Variants in ADCK1 observed in about 807,000 individuals in gnomAD.
ADCK1 encodes aarF domain-containing protein kinase 1.
Under a neutral mutation model 52.3 loss-of-function variants are expected in ADCK1, and 41 were observed. The ratio of observed to expected loss-of-function variants is 0.78; its 90% CI spans 0.61 to 1.02. The LOEUF (loss-of-function observed/expected upper bound fraction) is 1.02. Among genes scored for constraint, ADCK1 ranks in the 50% least tolerant of loss-of-function variants. The probability of loss-of-function intolerance (pLI) is 0.00; values close to 1 mark genes in which losing one functional copy is unlikely to be tolerated. For synonymous variants in ADCK1, 250 were observed against 274.6 expected, an observed-to-expected ratio of 0.91 and a Z score of 0.89; for missense variants, 658 against 679.5, an observed-to-expected ratio of 0.97 and a Z score of 0.35.
chr14:77,874,556 T>A (rs561949806), intron 4 of ADCK1, among the ~76,000 whole-genome samples: 2 of 151,954 alleles, frequency 1.3e-5, no homozygotes, highest in Non-Finnish European at 1.5e-5. Context: ...CAGGCTGGGG[T>A]GGGGCAGGTG....
At chr14:77,830,856 A>C (rs1342465325) in intron 3 of ADCK1, among the ~76,000 whole-genome samples, 2 of 152,106 alleles carry the variant, frequency 1.3e-5, no homozygotes, top group Non-Finnish European at 2.9e-5. Flanking sequence ...CTTCTGTGGT[A>C]TCAGATGATT....
At chr14:77,840,301 C>T (rs996129071) in intron 3 of ADCK1, among the ~76,000 whole-genome samples, 2 of 151,462 alleles carry the variant, frequency 1.3e-5, no homozygotes, top group African/African-American at 2.4e-5. Flanking sequence ...AGCAGAGCTG[C>T]GATTCTTCTG....
At chr14:77,810,085 A>G (rs1017357900) in intron 1 of ADCK1, among the ~76,000 whole-genome samples, 5 of 150,998 alleles carry the variant, frequency 3.3e-5, no homozygotes, top group Non-Finnish European at 7.4e-5. Flanking sequence ...TTTACTGGGT[A>G]TGTCAGGCAT....
intron 3 of ADCK1, among the ~76,000 whole-genome samples, chr14:77,842,699 C>T (rs1190246983): frequency 1.3e-5 from 2 of 150,048 alleles, no homozygotes; most frequent in Non-Finnish European, 3.0e-5. Context: ...TACAGGCATG[C>T]ACCACCACGC....
intron 4 of ADCK1, among the ~76,000 whole-genome samples, chr14:77,868,719 T>C: frequency 6.6e-6 from 1 of 152,122 alleles, no homozygotes; most frequent in East Asian, 1.9e-4. Context: ...CCTCAACCCA[T>C]GGTGGCCCCA....
intron 4 of ADCK1, 73 bp from the exon 5 acceptor site, chr14:77,887,018 G>C: frequency 1.4e-6 from 2 of 1,470,276 alleles, no homozygotes; most frequent in East Asian, 2.4e-5. Context: ...CCTGACTCTG[G>C]CCCATCTTCC....
intron 8 of ADCK1, 128 bp downstream of exon 8, chr14:77,924,734 G>A (rs1052010311): frequency 1.5e-6 from 2 of 1,300,318 alleles, no homozygotes; most frequent in Admixed American, 5.1e-5. Flanking sequence ...CTCTCCCTTG[G>A]AGCTGTCATT....
chr14:77,863,786 G>A (rs1201331386), intron 4 of ADCK1, among the ~76,000 whole-genome samples: 1 of 151,912 alleles, frequency 6.6e-6, no homozygotes, highest in Non-Finnish European at 1.5e-5. Context: ...GCAGTGAGCT[G>A]AGATCAGGCT....
In ADCK1 at chr14:77,895,792, A is replaced by AG. The variant is rs931228590; in HGVS notation, c.583-3304dup. 3.3e-5 allele frequency among the ~76,000 whole-genome samples: 5 copies of AG among 152,284 alleles called. No individual in the cohort carries two copies. The South Asian group carries it at 6.2e-4, about 19-fold the overall frequency. On this transcript the variant is annotated intron_variant, in intron 5 of 10. Coordinates refer to ENST00000238561, the MANE Select transcript of ADCK1 (RefSeq NM_020421.4). Reference sequence around the variant, plus strand: ...CCCCCTCCCCACCCACTGAATTTCAAGGGGTTGGTGAACCCCTTGAATTAT... The same window carrying AG: ...CCCCCTCCCCACCCACTGAATTTCAAGGGGGTTGGTGAACCCCTTGAATTAT...
chr14:77,848,066 T>A (rs972375943), intron 3 of ADCK1, among the ~76,000 whole-genome samples: 5 of 152,178 alleles, frequency 3.3e-5, no homozygotes, highest in South Asian at 2.1e-4. Flanking sequence ...CTTCTTCTTT[T>A]AAAAATTTTT....
intron 7 of ADCK1, among the ~76,000 whole-genome samples, chr14:77,909,157 C>T (rs184581040): frequency 0.011 from 1,366 of 121,530 alleles, 30 homozygotes; most frequent in African/African-American, 0.042. Context: ...TTCCCTGAGA[C>T]GGAGTTTTGC....
At chr14:77,803,262 A>G (rs1289489272) in intron 1 of ADCK1, among the ~76,000 whole-genome samples, 1 of 152,052 alleles carries the variant, frequency 6.6e-6, no homozygotes, top group Non-Finnish European at 1.5e-5. Flanking sequence ...AAATGGGAGG[A>G]GGCCATGGTC....
chr14:77,823,616 G>A (rs970139056), intron 3 of ADCK1, among the ~76,000 whole-genome samples: 6 of 149,798 alleles, frequency 4.0e-5, no homozygotes, highest in African/African-American at 1.2e-4. Context: ...TCCATCACCC[G>A]GTCTGGGGTG....
At chr14:77,904,740 G>C (rs996325433) in intron 6 of ADCK1, among the ~76,000 whole-genome samples, 1 of 152,190 alleles carries the variant, frequency 6.6e-6, no homozygotes, top group Non-Finnish European at 1.5e-5. Context: ...GTAGAACCTG[G>C]ACCCAGGGGT....
chr14:77,914,068 C>T (rs1407649715), intron 7 of ADCK1, among the ~76,000 whole-genome samples: 1 of 152,098 alleles, frequency 6.6e-6, no homozygotes, highest in African/African-American at 2.4e-5. Flanking sequence ...TTTTTCAGAA[C>T]CCCCAAATCT....
At position 77,933,772 on chromosome 14, in the gene ADCK1, G is replaced by A. The variant is rs1309025819; in HGVS notation, c.*381G>A. The A allele has an allele frequency of 5.1e-6, 1 of 194,322 alleles. No individual in the cohort carries two copies. The highest frequency in any genetic ancestry group is 1.4e-4 in the South Asian group (1 of 7,064). The allele number at this position is 194,322 out of a possible 1,614,324, so 12.0% of individuals were successfully genotyped here. On this transcript the variant is annotated 3_prime_UTR_variant, in exon 11 of 11. Transcript: ENST00000238561. The stretch of plus-strand genomic sequence containing the variant: ...TGTGATTTTGTTGGAGGTGCACATG[G>A]TCTCTGAATTTGACAGAGAACACCT...
intron 4 of ADCK1, among the ~76,000 whole-genome samples, chr14:77,875,365 T>A (rs1349521138): frequency 6.6e-6 from 1 of 152,066 alleles, no homozygotes; most frequent in African/African-American, 2.4e-5. Context: ...TTTGCATAGT[T>A]GCCTCCTCTT....
chr14:77,919,072 A>G (rs2083989497), intron 7 of ADCK1, among the ~76,000 whole-genome samples: 1 of 152,026 alleles, frequency 6.6e-6, no homozygotes, highest in South Asian at 2.1e-4. Context: ...TTTATTTTTG[A>G]GATGGAGTTT....
intron 6 of ADCK1, among the ~76,000 whole-genome samples, chr14:77,900,104 C>T (rs539005157): frequency 6.8e-6 from 1 of 146,792 alleles, no homozygotes; most frequent in South Asian, 2.1e-4. Context: ...ATCAGTAATA[C>T]AGTAATATAG....
Sources: allele counts gnomAD v4.1 joint callset (sites outside exome capture counted in the v4.1 genomes callset), GRCh38; gene constraint gnomAD v4.1.1; transcripts MANE v1.5; gene names NCBI Gene and HGNC (gene_info 2026-07-23, HGNC 2026-07-21).